CLEC4G: variants seen among roughly 807,000 people sequenced by gnomAD.
CLEC4G encodes C-type lectin domain family 4 member G, also known as C-type lectin superfamily 4, member G.
Under a neutral mutation model 37.0 loss-of-function variants are expected in CLEC4G, and 34 were observed. The ratio of observed to expected loss-of-function variants is 0.92; its 90% confidence interval spans 0.70 to 1.22. The LOEUF (loss-of-function observed/expected upper bound fraction) is 1.22, where lower values mean the gene tolerates loss of function less well. Ranked by LOEUF, CLEC4G falls within the 50% of genes most tolerant of loss-of-function variation. CLEC4G has a pLI of 0.00. For missense variants in CLEC4G, 390 were observed against 392.9 expected, an observed-to-expected ratio of 0.99 and a Z score of 0.06; for synonymous variants, 167 against 165.6, an observed-to-expected ratio of 1.01 and a Z score of -0.06.
chr19:7,729,047 G>A lies in CLEC4G; in HGVS notation c.*319C>T, dbSNP rs2033385596. 1 of 448,612 alleles carries A rather than the reference G, an allele frequency of 2.2e-6. No homozygotes were observed. The highest frequency in any genetic ancestry group is 3.2e-5 in the Admixed American group (1 of 31,138). 27.8% of individuals were successfully genotyped at this position (448,612 alleles called of 1,614,324 possible). A position where few individuals can be genotyped will look rare whatever the true frequency, so the allele number is the denominator to read the frequency against. The stretch of plus-strand genomic sequence containing the variant: ...GTGGAAAATGCGAGAAAACCAAACA[G>A]CTCCAGTCCTCAGTCACCTAACCTT... On this transcript the variant is annotated 3_prime_UTR_variant, in exon 9 of 9. Coordinates refer to ENST00000328853, the MANE Select transcript of CLEC4G (RefSeq NM_198492.4).
chr19:7,731,161 C>A (rs2033425985), intron 3 of CLEC4G, 73 bp from the exon 4 acceptor site: 5 of 1,591,206 alleles, frequency 3.1e-6, no homozygotes, highest in Non-Finnish European at 3.4e-6. Context: ...CCCTTCCAGC[C>A]TCAGGGACCA....
chr19:7,730,733 C>T lies in CLEC4G; in HGVS notation c.388+22G>A, dbSNP rs768795666. 16 of 1,526,462 alleles carry T rather than the reference C, an allele frequency of 1.0e-5. No homozygotes were observed. The East Asian group carries it at 1.2e-4, about 12-fold the overall frequency. The allele number at this position is 1,526,462 out of a possible 1,614,324, so 94.6% of individuals were successfully genotyped here. On this transcript the variant is annotated intron_variant, in intron 5 of 8. Coordinates refer to ENST00000328853, the MANE Select transcript of CLEC4G (RefSeq NM_198492.4). The surrounding 1 kb of genome is among the most constrained non-coding windows in gnomAD (Gnocchi z 7.3). Reference sequence around the variant, plus strand: ...GGGGGACGCGGCCAGGGCTCAGGGCCGGGGTCGCGTCGGGCCCTCACCGCG... The same window carrying T: ...GGGGGACGCGGCCAGGGCTCAGGGCTGGGGTCGCGTCGGGCCCTCACCGCG...
Position 7,731,254 on chromosome 19 carries a change from C to G in CLEC4G, c.220+12G>C, listed in dbSNP as rs369720849. On this transcript the variant is annotated intron_variant, in intron 3 of 8. Coordinates refer to ENST00000328853, the MANE Select transcript of CLEC4G (RefSeq NM_198492.4). ...ACGCCCCGGGGGCCCAGGCGCCCGG[C>G]TCTGCACACACCGTTTGTCCTCAGC... The G allele has an allele frequency of 6.3e-4, 1,007 of 1,591,224 alleles. 12 individuals are homozygous for G. In the South Asian group the frequency reaches 0.011, roughly 17 times the overall value.
Position 7,730,051 on chromosome 19 carries a change from G to A in CLEC4G, c.595C>T (p.His199Tyr), listed in dbSNP as rs1162013324. The change falls in exon 7 of 9, where the codon CAC (histidine) becomes TAC (tyrosine). Residue 199 changes from histidine (H) to tyrosine (Y), a missense_variant. His to Tyr is a moderately conservative substitution (Grantham distance 83, BLOSUM62 2). Transcript: ENST00000328853. The surrounding 1 kb of genome is among the most constrained non-coding windows in gnomAD (Gnocchi z 7.3). ...TCCAGGCCCCCAACGATCACCAGGT[G>A]CGCGCTGGCATCTGCGCAGTGATCC... The part of the protein sequence containing the change: ...AQDHCADASA[H>Y]LVIVGGLDEQ... 5 of 1,601,638 alleles carry A rather than the reference G, an allele frequency of 3.1e-6. No individual in the cohort carries two copies. The highest frequency in any genetic ancestry group is 4.3e-6 in the Non-Finnish European group (5 of 1,176,138).
chr19:7,731,480 C>A, intron 2 of CLEC4G, 161 bp from the exon 3 acceptor site: 1 of 1,470,378 alleles, frequency 6.8e-7, no homozygotes, highest in African/African-American at 1.4e-5. Context: ...CGCGGGGACT[C>A]GCGCACATAC....
chr19:7,730,954 G>GCCCCGGCCCCCCT lies in CLEC4G; in HGVS notation c.283+59_283+71dup. The GCCCCGGCCCCCCT allele has an allele frequency of 2.0e-5, 25 of 1,232,078 alleles. No individual in the cohort carries two copies. The highest frequency in any genetic ancestry group is 2.6e-5 in the Non-Finnish European group (25 of 971,010). 76.3% of individuals were successfully genotyped at this position (1,232,078 alleles called of 1,614,324 possible). On this transcript the variant is annotated intron_variant, in intron 4 of 8. Transcript: ENST00000328853. The surrounding 1 kb of genome is among the most constrained non-coding windows in gnomAD (Gnocchi z 7.3). ...CCCGCACCACCCGCCGCAGGCCTCC[G>GCCCCGGCCCCCCT]CCCCGGCCCCCCTCCCATCGCGGCC...
At position 7,730,417 on chromosome 19, in the gene CLEC4G, C is replaced by A; in HGVS notation, c.412G>T (p.Gly138Cys). The A allele has an allele frequency of 1.2e-6, 2 of 1,601,820 alleles. No individual in the cohort carries two copies. The highest frequency in any genetic ancestry group is 1.3e-5 in the African/African-American group (1 of 75,060). Residue 138 changes from glycine (G) to cysteine (C), a missense_variant, in exon 6 of 9, where the codon GGC (glycine) becomes TGC (cysteine). By Grantham distance (159) the Gly-to-Cys change is radical. Coordinates refer to ENST00000328853, the MANE Select transcript of CLEC4G (RefSeq NM_198492.4). The surrounding 1 kb of genome is among the most constrained non-coding windows in gnomAD (Gnocchi z 7.3). The part of the protein sequence containing the change: ...ERVTQGLAEA[G>C]RGREDVRTEL... ...GTGCGGACGTCCTCACGGCCCCTGC[C>A]GGCTTCAGCCAAGCCCTGGGTCACT...
Position 7,729,069 on chromosome 19 carries a change from C to T in CLEC4G, c.*297G>A, listed in dbSNP as rs543713249. On this transcript the variant is annotated 3_prime_UTR_variant, in exon 9 of 9. Transcript: ENST00000328853. Reference sequence around the variant, plus strand: ...ACAGCTCCAGTCCTCAGTCACCTAACCTTGGTTAGGGAGAGAAGTGGAGGC... The same window carrying T: ...ACAGCTCCAGTCCTCAGTCACCTAATCTTGGTTAGGGAGAGAAGTGGAGGC... The T allele has an allele frequency of 3.1e-4, 158 of 505,800 alleles. No individual in the cohort carries two copies. The highest frequency in any genetic ancestry group is 5.3e-4 in the Non-Finnish European group (141 of 266,570). 31.3% of individuals were successfully genotyped at this position (505,800 alleles called of 1,614,324 possible).
chr19:7,731,103 GC>G lies in CLEC4G; in HGVS notation c.221-16del, dbSNP rs1568500687. ...CTGCTTCGAGGCTGGAACGACCCCC[GC>G]CCCAAAATGCATGCCCCTCGGGTCA... On this transcript the variant is annotated splice_polypyrimidine_tract_variant and intron_variant, in intron 3 of 8. Coordinates refer to ENST00000328853, the MANE Select transcript of CLEC4G (RefSeq NM_198492.4). 6.2e-7 allele frequency: 1 copy of G among 1,604,620 alleles called. No individual in the cohort carries two copies. The highest frequency in any genetic ancestry group is 2.2e-5 in the East Asian group (1 of 44,848).
Position 7,729,443 on chromosome 19 carries a change from G to A in CLEC4G, c.805C>T (p.His269Tyr). 6.2e-7 allele frequency: 1 copy of A among 1,600,190 alleles called. No individual in the cohort carries two copies. Reference protein sequence around the residue: ...WGRENCVMMLHTGLWNDAPCD... With the variant: ...WGRENCVMMLYTGLWNDAPCD... Reference sequence around the variant, plus strand: ...GGTGCGTCGTTCCACAGCCCCGTGTGCAGCATCATGACACAGTTCTCGCGC... The same window carrying A: ...GGTGCGTCGTTCCACAGCCCCGTGTACAGCATCATGACACAGTTCTCGCGC... The change falls in exon 9 of 9, where the codon CAC becomes TAC. Residue 269 changes from histidine (H) to tyrosine (Y), a missense_variant. Physicochemically the swap from His to Tyr is moderately conservative, Grantham distance 83. Transcript: ENST00000328853.
rs758185253 is a variant in CLEC4G, at chr19:7,729,873, G to A, written c.691C>T (p.Leu231=). 5 of 1,614,158 alleles carry A rather than the reference G, an allele frequency of 3.1e-6. No individual in the cohort carries two copies. Among genetic ancestry groups the A allele is most frequent in the Non-Finnish European group, 4.2e-6 (5 of 1,180,024 alleles). The change falls in exon 8 of 9, where the codon CTG becomes TTG. Residue 231 remains leucine, a synonymous_variant. Coordinates refer to ENST00000328853, the MANE Select transcript of CLEC4G (RefSeq NM_198492.4). ...CACTGGTAGCCCTGAACCTTGCCCAGATGGCGCACAGCCCTCAGGCCCAGC... is the reference window on the plus strand; with the variant it reads ...CACTGGTAGCCCTGAACCTTGCCCAAATGGCGCACAGCCCTCAGGCCCAGC... ...YWLGLRAVRH[L]GKVQGYQWVD...
chr19:7,731,107 CA>C lies in CLEC4G; in HGVS notation c.221-20del. On this transcript the variant is annotated intron_variant, in intron 3 of 8. Transcript: ENST00000328853. Reference sequence around the variant, plus strand: ...TTCGAGGCTGGAACGACCCCCGCCCCAAAATGCATGCCCCTCGGGTCACTTG... The same window carrying C: ...TTCGAGGCTGGAACGACCCCCGCCCCAAATGCATGCCCCTCGGGTCACTTG... 2 of 1,605,092 alleles carry C rather than the reference CA, an allele frequency of 1.2e-6. No individual in the cohort carries two copies.
chr19:7,730,697 G>C lies in CLEC4G; in HGVS notation c.388+58C>G, dbSNP rs1283766373. On this transcript the variant is annotated intron_variant, in intron 5 of 8. Coordinates refer to ENST00000328853, the MANE Select transcript of CLEC4G (RefSeq NM_198492.4). This position sits in a 1 kb window ranked among gnomAD's most constrained non-coding sequence, Gnocchi z 7.3. ...GGGTCGGGGGTCAGCACTCAGGACG[G>C]GGTCGGGGTCGGGGGACGCGGCCAG... 6.7e-7 allele frequency: 1 copy of C among 1,499,806 alleles called. No individual in the cohort carries two copies. The highest frequency in any genetic ancestry group is 8.9e-7 in the Non-Finnish European group (1 of 1,128,768). The allele number at this position is 1,499,806 out of a possible 1,614,324, so 92.9% of individuals were successfully genotyped here.
chr19:7,731,319 G>T lies in CLEC4G; in HGVS notation c.167C>A (p.Ala56Asp). ...AAGCAGCGCCGCGCGCTCCGTGGAGGCTGAGGAGAGAGGCTCCTGCAGGCG... is the reference window on the plus strand; with the variant it reads ...AAGCAGCGCCGCGCGCTCCGTGGAGTCTGAGGAGAGAGGCTCCTGCAGGCG... ...AVILSILLSK[A>D]STERAALLDG... The change falls in exon 3 of 9, where the codon GCC becomes GAC. Residue 56 changes from alanine (A) to aspartate (D), a missense_variant and splice_region_variant. Transcript: ENST00000328853. The T allele has an allele frequency of 2.5e-6, 4 of 1,572,084 alleles. No individual in the cohort carries two copies. Among genetic ancestry groups the T allele is most frequent in the Non-Finnish European group, 3.4e-6 (4 of 1,164,030 alleles).
intron 8 of CLEC4G, 24 bp from the exon 9 acceptor site, chr19:7,729,528 G>T: frequency 6.4e-7 from 1 of 1,557,992 alleles, no homozygotes; most frequent in Non-Finnish European, 8.8e-7. Context: ...GAGTGGGGGT[G>T]TTGCTGGGAA....
At chr19:7,731,227 T>C in intron 3 of CLEC4G, 39 bp downstream of exon 3, 1 of 1,578,018 alleles carries the variant, frequency 6.3e-7, no homozygotes, top group Non-Finnish European at 8.6e-7. Flanking sequence ...CTCCCGCCCC[T>C]CACGCCCCGG....
chr19:7,731,222 G>T (rs1324120407), intron 3 of CLEC4G, 44 bp downstream of exon 3: 3 of 1,573,508 alleles, frequency 1.9e-6, no homozygotes, highest in Admixed American at 1.8e-5. Flanking sequence ...AGAAACTCCC[G>T]CCCCTCACGC....
rs886476084 is a variant in CLEC4G at position 7,729,139 on chromosome 19, T to A, written c.*227A>T. 2 of 653,134 alleles carry A rather than the reference T, an allele frequency of 3.1e-6. No homozygotes were observed. Among genetic ancestry groups the A allele is most frequent in the African/African-American group, 3.6e-5 (2 of 55,824 alleles). The allele number at this position is 653,134 out of a possible 1,614,324, so 40.5% of individuals were successfully genotyped here. A position where few individuals can be genotyped will look rare whatever the true frequency, so the allele number is the denominator to read the frequency against. On this transcript the variant is annotated 3_prime_UTR_variant, in exon 9 of 9. Transcript: ENST00000328853. ...GCAGGGATTTTGGAGCTAGTGGAGG[T>A]TAGGTTGGGTCTGCGTGAGTGGAGT...
In CLEC4G at chr19:7,730,234, G is replaced by A; in HGVS notation, c.479-67C>T. On this transcript the variant is annotated intron_variant, in intron 6 of 8. Coordinates refer to ENST00000328853, the MANE Select transcript of CLEC4G (RefSeq NM_198492.4). This position sits in a 1 kb window ranked among gnomAD's most constrained non-coding sequence, Gnocchi z 7.3. ...GGCAACGCACCGAGAGGATGCAGTG[G>A]GTAGGGGTTCGGCCCCGCGGGCTCA... is the stretch of plus-strand genomic sequence containing the variant. 6.3e-7 allele frequency: 1 copy of A among 1,587,116 alleles called. No homozygotes were observed. Among genetic ancestry groups the A allele is most frequent in the South Asian group, 1.1e-5 (1 of 89,068 alleles).
Sources: allele counts gnomAD v4.1 joint callset, GRCh38; gene constraint gnomAD v4.1.1; non-coding constraint Gnocchi (gnomAD v3.1); transcripts MANE v1.5; gene names NCBI Gene and HGNC (gene_info 2026-07-23, HGNC 2026-07-21).